METTL15: variants seen among roughly 807,000 people sequenced by gnomAD.
METTL15 encodes methyltransferase 15, mitochondrial 12S rRNA N4-cytidine.
In METTL15, 34 loss-of-function variants were observed where a neutral mutation model predicts 38.3. The observed-to-expected ratio is 0.89, with a 90% CI of 0.68 to 1.18. The LOEUF (loss-of-function observed/expected upper bound fraction) is 1.18, where lower values mean the gene tolerates loss of function less well. Ranked by LOEUF, METTL15 falls within the 50% of genes most tolerant of loss-of-function variation. The pLI, the probability that METTL15 is intolerant of heterozygous loss-of-function variation, is 0.00. For missense variants in METTL15, 438 were observed against 498.4 expected (o/e 0.88, Z 1.15); for synonymous variants, 162 against 170.9 (o/e 0.95, Z 0.41).
chr11:28,475,696 C>A (rs1269571169), intron 6 of METTL15, among the ~76,000 whole-genome samples: 1 of 152,150 alleles, frequency 6.6e-6, no homozygotes, highest in African/African-American at 2.4e-5. Flanking sequence ...TTGAGATTTT[C>A]TTCTACTTAC....
intron 5 of METTL15, among the ~76,000 whole-genome samples, chr11:28,397,936 T>A (rs948626224): frequency 1.3e-4 from 20 of 152,050 alleles, no homozygotes; most frequent in Admixed American, 3.9e-4. Flanking sequence ...ATGTCCTTTG[T>A]GGGGACATGG....
chr11:28,203,175 A>G (rs1852178729), intron 3 of METTL15, among the ~76,000 whole-genome samples: 1 of 152,080 alleles, frequency 6.6e-6, no homozygotes, highest in South Asian at 2.1e-4. Flanking sequence ...CATTATTTCC[A>G]TGGGTCCTGA....
chr11:28,443,685 A>C (rs1851053486), intron 6 of METTL15, among the ~76,000 whole-genome samples: 1 of 152,118 alleles, frequency 6.6e-6, no homozygotes, highest in Admixed American at 6.5e-5. Flanking sequence ...AAAAGATATG[A>C]GGGCATCTTT....
At chr11:28,313,908 G>T (rs1009280487) in intron 6 of METTL15, among the ~76,000 whole-genome samples, 3 of 152,058 alleles carry the variant, frequency 2.0e-5, no homozygotes, top group African/African-American at 7.2e-5. Flanking sequence ...GCACATATAT[G>T]CCTTTAGCCC....
chr11:28,399,428 C>T (rs901815914), intron 5 of METTL15, among the ~76,000 whole-genome samples: 3 of 151,932 alleles, frequency 2.0e-5, no homozygotes, highest in Non-Finnish European at 4.4e-5. Flanking sequence ...ATGAAACTCT[C>T]CTTTCATCCT....
chr11:28,511,799 G>T (rs1054852822), intron 6 of METTL15, among the ~76,000 whole-genome samples: 1 of 152,194 alleles, frequency 6.6e-6, no homozygotes, highest in African/African-American at 2.4e-5. Flanking sequence ...AAAGAACAAA[G>T]CTTCCACAGT....
chr11:28,413,423 G>A (rs925550530), intron 5 of METTL15, among the ~76,000 whole-genome samples: 97 of 152,016 alleles, frequency 6.4e-4, no homozygotes, highest in African/African-American at 2.0e-3. Context: ...ATTTATATTC[G>A]TTTCCTGCGA....
intron 3 of METTL15, among the ~76,000 whole-genome samples, chr11:28,200,102 G>C (rs540920283): frequency 3.3e-5 from 5 of 152,208 alleles, no homozygotes; most frequent in Admixed American, 6.5e-5. Flanking sequence ...CAAATGGCAT[G>C]CTTTGTGATT....
chr11:28,219,668 G>C (rs1853094125), intron 4 of METTL15, among the ~76,000 whole-genome samples: 1 of 152,186 alleles, frequency 6.6e-6, no homozygotes, highest in Non-Finnish European at 1.5e-5. Flanking sequence ...GTGAATTTCA[G>C]ATCTTTCCTG....
chr11:28,437,570 C>G (rs4627061), intron 6 of METTL15, among the ~76,000 whole-genome samples: 64,266 of 151,950 alleles, frequency 0.42, 14,982 homozygotes, highest in Admixed American at 0.54. Context: ...CTTGCTTTTG[C>G]CCTTGTGATT....
At chr11:28,517,057 T>C (rs1331302148) in intron 6 of METTL15, 1 of 152,234 alleles carries the variant, frequency 6.6e-6, no homozygotes, top group Non-Finnish European at 1.5e-5. Context: ...ACATTTCATC[T>C]CTCTGTTGCC....
intron 4 of METTL15, among the ~76,000 whole-genome samples, chr11:28,241,953 C>T (rs1854318363): frequency 6.6e-6 from 1 of 152,144 alleles, no homozygotes; most frequent in African/African-American, 2.4e-5. Context: ...GAAATCATTG[C>T]AGAGTTTTCA....
chr11:28,514,391 A>C (rs1206410623), intron 6 of METTL15, among the ~76,000 whole-genome samples: 1 of 152,224 alleles, frequency 6.6e-6, no homozygotes, highest in Non-Finnish European at 1.5e-5. Flanking sequence ...AGTCACTTGA[A>C]GATATAGATG....
intron 5 of METTL15, among the ~76,000 whole-genome samples, chr11:28,365,163 G>C (rs1850173796): frequency 1.3e-5 from 2 of 152,132 alleles, no homozygotes; most frequent in Non-Finnish European, 2.9e-5. Context: ...TCTCTGCCAT[G>C]TTGTGGTATC....
intron 6 of METTL15, among the ~76,000 whole-genome samples, chr11:28,478,755 C>A (rs1316217586): frequency 6.6e-6 from 1 of 152,076 alleles, no homozygotes; most frequent in Admixed American, 6.6e-5. Flanking sequence ...AAAGAAAGAT[C>A]AATATGCTAT....
chr11:28,183,229 T>G (rs1302175011), intron 3 of METTL15, among the ~76,000 whole-genome samples: 1 of 151,788 alleles, frequency 6.6e-6, no homozygotes, highest in Non-Finnish European at 1.5e-5. Flanking sequence ...TTCCTCTCTT[T>G]CTGTTTGAAT....
At chr11:28,166,390 G>T (rs1252674621) in intron 3 of METTL15, among the ~76,000 whole-genome samples, 1 of 152,130 alleles carries the variant, frequency 6.6e-6, no homozygotes, top group Admixed American at 6.6e-5. Flanking sequence ...GTTTCATTTG[G>T]TTAGTCTGGA....
At chr11:28,378,684 G>A (rs1156877819) in intron 5 of METTL15, among the ~76,000 whole-genome samples, 3 of 151,052 alleles carry the variant, frequency 2.0e-5, no homozygotes. Flanking sequence ...TCCTCCACCT[G>A]TTGTGTTCTT....
chr11:28,343,821 C>T (rs376622779), intron 3 of METTL15, among the ~76,000 whole-genome samples: 1 of 152,094 alleles, frequency 6.6e-6, no homozygotes, highest in Non-Finnish European at 1.5e-5. Flanking sequence ...AAAAAAAGTG[C>T]TTCTTGTTCT....
Sources: gnomAD v4.1 joint callset for allele counts (sites outside exome capture counted in the v4.1 genomes callset) on GRCh38, gnomAD v4.1.1 for gene constraint, MANE v1.5 for transcripts, NCBI Gene and HGNC (gene_info 2026-07-23, HGNC 2026-07-21) for gene names.